ABCG2: variants seen among roughly 807,000 people sequenced by gnomAD.
ABCG2 encodes the protein broad substrate specificity ATP-binding cassette transporter ABCG2.
ABCG2 carries 80 observed loss-of-function variants against 73.5 expected under a neutral mutation model. That is an observed-to-expected ratio of 1.09 (90% CI 0.91 to 1.31). The LOEUF (loss-of-function observed/expected upper bound fraction) is 1.31. Among genes scored for constraint, ABCG2 ranks in the 50% most tolerant of loss-of-function variants. The pLI is 0.00. For synonymous variants in ABCG2, 269 were observed against 282.4 expected (o/e 0.95, Z 0.48); for missense variants, 796 against 786.2 (o/e 1.01, Z -0.15).
At chr4:88,165,631 T>G (rs1169621764) in intron 1 of ABCG2, among the ~76,000 whole-genome samples, 1 of 152,218 alleles carries the variant, frequency 6.6e-6, no homozygotes, top group African/African-American at 2.4e-5. Flanking sequence ...ATCTCAGCAC[T>G]TTGGGAGGCC....
chr4:88,191,631 C>T (rs1728699153), intron 1 of ABCG2, among the ~76,000 whole-genome samples: 1 of 152,138 alleles, frequency 6.6e-6, no homozygotes, highest in Non-Finnish European at 1.5e-5. Context: ...AAATGACAGC[C>T]TATGTTTACA....
At chr4:88,201,723 T>C (rs1428023270) in intron 1 of ABCG2, 2 of 152,172 alleles carry the variant, frequency 1.3e-5, no homozygotes, top group Admixed American at 1.3e-4. Flanking sequence ...TGAGAGCACA[T>C]ATACTAAAAT....
At chr4:88,167,345 C>T (rs1053716915) in intron 1 of ABCG2, among the ~76,000 whole-genome samples, 2 of 145,076 alleles carry the variant, frequency 1.4e-5, no homozygotes, top group African/African-American at 5.1e-5. Flanking sequence ...CCTTCTCAAA[C>T]TTTGAACCCA....
At chr4:88,121,879 A>G in intron 5 of ABCG2, 87 bp from the exon 6 acceptor site, 3 of 1,283,680 alleles carry the variant, frequency 2.3e-6, no homozygotes, top group Non-Finnish European at 3.3e-6. Flanking sequence ...CCTGTAAGAG[A>G]CACTTTATCT....
intron 1 of ABCG2, among the ~76,000 whole-genome samples, chr4:88,165,932 C>A: frequency 6.6e-6 from 1 of 151,968 alleles, no homozygotes; most frequent in East Asian, 1.9e-4. Flanking sequence ...TCATCTGGAA[C>A]CTTAATTCTC....
intron 9 of ABCG2, among the ~76,000 whole-genome samples, chr4:88,109,029 C>G (rs1440404450): frequency 7.0e-6 from 1 of 143,836 alleles, no homozygotes; most frequent in Non-Finnish European, 1.5e-5. Context: ...GAGACAGTCT[C>G]GCACTGTTGC....
chr4:88,132,320 T>A (rs1286996481), intron 3 of ABCG2, among the ~76,000 whole-genome samples: 2 of 152,066 alleles, frequency 1.3e-5, no homozygotes, highest in Non-Finnish European at 2.9e-5. Context: ...TTCTTTTTCC[T>A]CCCTATTAGC....
At chr4:88,151,896 G>A (rs1394777605) in intron 1 of ABCG2, among the ~76,000 whole-genome samples, 2 of 152,084 alleles carry the variant, frequency 1.3e-5, no homozygotes, top group African/African-American at 4.8e-5. Context: ...ATCATAGAAG[G>A]GCTCATTAAT....
intron 1 of ABCG2, among the ~76,000 whole-genome samples, chr4:88,147,681 A>G (rs1044620880): frequency 2.0e-5 from 3 of 152,242 alleles, no homozygotes; most frequent in African/African-American, 7.2e-5. Flanking sequence ...GTAGCTTAAT[A>G]AAGATGTTAG....
intron 1 of ABCG2, among the ~76,000 whole-genome samples, chr4:88,152,404 C>T (rs563918013): frequency 5.9e-5 from 9 of 151,958 alleles, no homozygotes; most frequent in African/African-American, 2.2e-4. Context: ...TGGATGCAGG[C>T]GGGCTGAGTC....
At chr4:88,206,485 G>T (rs1349859552) in intron 1 of ABCG2, 1 of 152,068 alleles carries the variant, frequency 6.6e-6, no homozygotes, top group Non-Finnish European at 1.5e-5. Context: ...TGTGCTTGTT[G>T]TCAGGCCCGA....
intron 1 of ABCG2, among the ~76,000 whole-genome samples, chr4:88,145,245 G>C (rs918944729): frequency 5.3e-5 from 8 of 152,214 alleles, no homozygotes; most frequent in African/African-American, 1.9e-4. Flanking sequence ...ACTGTCAGGC[G>C]ATTGCTACAA....
intron 1 of ABCG2, among the ~76,000 whole-genome samples, chr4:88,140,492 T>G (rs1219044708): frequency 1.3e-5 from 2 of 152,030 alleles, no homozygotes; most frequent in Non-Finnish European, 2.9e-5. Context: ...TGTGGTGGCG[T>G]GTGCCTGTAA....
intron 1 of ABCG2, among the ~76,000 whole-genome samples, chr4:88,200,643 G>T (rs186010877): frequency 9.3e-4 from 141 of 152,196 alleles, no homozygotes; most frequent in African/African-American, 3.4e-3. Flanking sequence ...CTCCAAAGTA[G>T]CTTGGACTAC....
At chr4:88,134,042 C>T (rs3114017) in intron 2 of ABCG2, among the ~76,000 whole-genome samples, 52,619 of 151,720 alleles carry the variant, frequency 0.35, 9,282 homozygotes, top group South Asian at 0.38. Flanking sequence ...CAGGGTGGGG[C>T]CTGGCTTGTT....
At chr4:88,185,256 C>A (rs1181511573) in intron 1 of ABCG2, among the ~76,000 whole-genome samples, 1 of 152,102 alleles carries the variant, frequency 6.6e-6, no homozygotes, top group Non-Finnish European at 1.5e-5. Flanking sequence ...CCCAGCTACT[C>A]GTGAGGCTGA....
At chr4:88,122,718 G>C (rs1336855738) in intron 5 of ABCG2, among the ~76,000 whole-genome samples, 1 of 152,202 alleles carries the variant, frequency 6.6e-6, no homozygotes, top group Non-Finnish European at 1.5e-5. Context: ...CTGAGGTAAG[G>C]GGAGGCTGTG....
chr4:88,115,547 G>C (rs912053566), intron 7 of ABCG2, among the ~76,000 whole-genome samples: 1 of 148,784 alleles, frequency 6.7e-6, no homozygotes, highest in East Asian at 2.0e-4. Flanking sequence ...GCCTCCCAAA[G>C]TGCTGGGATT....
intron 1 of ABCG2, among the ~76,000 whole-genome samples, chr4:88,146,866 C>A (rs1578228380): frequency 1.8e-5 from 2 of 110,608 alleles, no homozygotes; most frequent in Admixed American, 1.2e-4. Context: ...GTAACCCTGT[C>A]AAAAAGAAAG....
Sources: allele counts gnomAD v4.1 joint callset (sites outside exome capture counted in the v4.1 genomes callset), GRCh38; gene constraint gnomAD v4.1.1; transcripts MANE v1.5; gene names NCBI Gene and HGNC (gene_info 2026-07-23, HGNC 2026-07-21).